The following C22orf42 variants were observed in gnomAD, a reference collection of about 807,000 sequenced individuals.
C22orf42 encodes the protein chromosome 22 open reading frame 42, also known as uncharacterized protein C22orf42.
Under a neutral mutation model 31.4 loss-of-function variants are expected in C22orf42, and 24 were observed. The observed-to-expected ratio is 0.77, with a 90% CI of 0.55 to 1.08. C22orf42 has a LOEUF of 1.08. C22orf42 is among the 50% of genes least tolerant of loss of function. C22orf42 has a pLI of 0.00. For missense variants in C22orf42, 276 were observed against 327.3 expected (o/e 0.84, Z 1.21); for synonymous variants, 96 against 112.7 (o/e 0.85, Z 0.94).
upstream of C22orf42, chr22:32,159,450 T>C: frequency 7.2e-7 from 1 of 1,389,768 alleles, no homozygotes; most frequent in East Asian, 2.8e-5. Flanking sequence ...TCCCTGCTGC[T>C]GCCCACCTTG....
intron 8 of C22orf42, 43 bp downstream of exon 8, chr22:32,149,710 T>C: frequency 8.4e-7 from 1 of 1,189,742 alleles, no homozygotes; most frequent in Non-Finnish European, 1.1e-6. Context: ...TATATCTATA[T>C]CTACATATAT....
At chr22:32,150,030 T>C (rs2094109826) in intron 7 of C22orf42, 3 of 491,350 alleles carry the variant, frequency 6.1e-6, no homozygotes, top group South Asian at 4.1e-5. Context: ...CTGAGAAATA[T>C]GCTCACTACC....
intron 1 of C22orf42, among the ~76,000 whole-genome samples, chr22:32,155,835 C>T (rs996086701): frequency 2.6e-5 from 4 of 152,112 alleles, no homozygotes; most frequent in African/African-American, 7.2e-5. Flanking sequence ...AAGTTTGAGA[C>T]CAGCCTGGGC....
At position 32,155,133 on chromosome 22, in the gene C22orf42, G is replaced by A. The variant is rs1921193623; in HGVS notation, c.233-815C>T. Among the ~76,000 whole-genome samples, 3 of 152,194 alleles carry A rather than the reference G, an allele frequency of 2.0e-5. No individual in the cohort carries two copies. In the East Asian group the frequency reaches 5.8e-4, roughly 29 times the overall value. On this transcript the variant is annotated intron_variant, in intron 1 of 8. Coordinates refer to ENST00000382097, the MANE Select transcript of C22orf42 (RefSeq NM_001010859.3). ...ATGTAGTTGGTTCCCTGGGGACAGAGATCCCAGAACATCTGAGTCCTCTAG... is the reference window on the plus strand; with the variant it reads ...ATGTAGTTGGTTCCCTGGGGACAGAAATCCCAGAACATCTGAGTCCTCTAG...
Position 32,152,623 on chromosome 22 carries a change from G to A in C22orf42, c.311C>T (p.Pro104Leu), listed in dbSNP as rs1349328963. ...HGIWPLENIG[P>L]TEDVQASAHG... ...TGCAGACGCCTGCACATCTTCAGTG[G>A]GACCTAGGAGAACACAGAGTGACAG... Residue 104 changes from proline (P) to leucine (L), a missense_variant, in exon 3 of 9, where the codon CCC becomes CTC. Pro to Leu is a moderately conservative substitution (Grantham distance 98). Coordinates refer to ENST00000382097, the MANE Select transcript of C22orf42 (RefSeq NM_001010859.3). 6.2e-6 allele frequency: 10 copies of A among 1,613,646 alleles called. No individual in the cohort carries two copies. Among genetic ancestry groups the A allele is most frequent in the African/African-American group, 1.3e-5 (1 of 74,886 alleles).
intron 1 of C22orf42, 89 bp downstream of exon 1, chr22:32,158,895 T>G: frequency 7.1e-7 from 1 of 1,416,516 alleles, no homozygotes; most frequent in Non-Finnish European, 9.9e-7. Context: ...AAGCTGAGGA[T>G]GTCTCTGAGG....
rs1430419427 is a variant in C22orf42, at chr22:32,150,536, G to A, written c.494-57C>T. The A allele has an allele frequency of 7.1e-6, 11 of 1,559,160 alleles. No individual in the cohort carries two copies. The East Asian group carries it at 2.2e-4, about 32-fold the overall frequency. On this transcript the variant is annotated intron_variant, in intron 6 of 8. Transcript: ENST00000382097. ...GTGCTGCTGAGGAATCCCACAAGGAGCCTTGGGGGATGTGGACCAGGGCTG... is the reference window on the plus strand; with the variant it reads ...GTGCTGCTGAGGAATCCCACAAGGAACCTTGGGGGATGTGGACCAGGGCTG...
At chr22:32,159,381 C>T, upstream of C22orf42, 1 of 1,432,322 alleles carries the variant, frequency 7.0e-7, no homozygotes, top group Non-Finnish European at 9.1e-7. Context: ...ACAACCAAGT[C>T]AGGCTAGTGG....
At chr22:32,156,279 A>G (rs1300688192) in intron 1 of C22orf42, among the ~76,000 whole-genome samples, 2 of 152,166 alleles carry the variant, frequency 1.3e-5, no homozygotes, top group African/African-American at 4.8e-5. Flanking sequence ...CTCACTTTAT[A>G]CTTCTTAGAA....
intron 1 of C22orf42, among the ~76,000 whole-genome samples, chr22:32,155,222 A>G (rs1921198182): frequency 6.6e-6 from 1 of 152,058 alleles, no homozygotes; most frequent in South Asian, 2.1e-4. Flanking sequence ...TGCTGCCCCA[A>G]TATTTCTTTG....
rs532821404 is a variant in C22orf42 at position 32,151,671 on chromosome 22, T to C, written c.401-120A>G. The C allele has an allele frequency of 8.1e-5, 73 of 899,548 alleles. No individual in the cohort carries two copies. The East Asian group carries it at 1.8e-3, about 22-fold the overall frequency. The allele number at this position is 899,548 out of a possible 1,614,324, so 55.7% of individuals were successfully genotyped here. A position where few individuals can be genotyped will look rare whatever the true frequency, so the allele number is the denominator to read the frequency against. The stretch of plus-strand genomic sequence containing the variant: ...AGGTGGGCGGTTGACAGGCATGGAC[T>C]GAGCTGCTGCTGGACCATTCTCCTT... On this transcript the variant is annotated intron_variant, in intron 4 of 8. Transcript: ENST00000382097.
At chr22:32,158,388 T>C (rs1170584883) in intron 1 of C22orf42, among the ~76,000 whole-genome samples, 1 of 152,228 alleles carries the variant, frequency 6.6e-6, no homozygotes, top group African/African-American at 2.4e-5. Flanking sequence ...ACAAAAGCAA[T>C]TTCTTTACAG....
chr22:32,153,719 T>C (rs1921094724), intron 2 of C22orf42, among the ~76,000 whole-genome samples: 1 of 152,182 alleles, frequency 6.6e-6, no homozygotes. Flanking sequence ...AAATTGTGTT[T>C]CCAAACAAGA....
At chr22:32,149,647 A>C (rs1569332010) in intron 8 of C22orf42, 34 bp from the exon 9 acceptor site, 4 of 1,340,224 alleles carry the variant, frequency 3.0e-6, no homozygotes, top group Non-Finnish European at 2.9e-6. Flanking sequence ...ATCTCAAAAA[A>C]AAAATATATA....
Position 32,151,503 on chromosome 22 carries a change from T to G in C22orf42, c.449A>C (p.Asn150Thr), listed in dbSNP as rs148334352. ...QVSAHGGVEE[N>T]ITSDIEISEA... Reference sequence around the variant, plus strand: ...ACATCTTACAATATCTGACGTTATATTCTCCTCCACACCGCCGTGTGCAGA... The same window carrying G: ...ACATCTTACAATATCTGACGTTATAGTCTCCTCCACACCGCCGTGTGCAGA... The change falls in exon 5 of 9, where the codon AAT (asparagine) becomes ACT (threonine). Residue 150 changes from asparagine (N) to threonine (T), a missense_variant. Transcript: ENST00000382097. The G allele has an allele frequency of 3.1e-6, 5 of 1,613,698 alleles. No homozygotes were observed. The African/African-American group carries it at 6.7e-5, about 22-fold the overall frequency.
At position 32,153,474 on chromosome 22, in the gene C22orf42, GCTAA is replaced by G. The variant is rs544938329; in HGVS notation, c.307+766_307+769del. The stretch of plus-strand genomic sequence containing the variant: ...CAATTGGATACAGTAGATGAAATGA[GCTAA>G]CTGTTAAAATCTATTTTAGAAGACC... On this transcript the variant is annotated intron_variant, in intron 2 of 8. Transcript: ENST00000382097. Among the ~76,000 whole-genome samples the G allele has an allele frequency of 1.6e-3, 237 of 152,284 alleles. 1 individual carries two copies. The highest frequency in any genetic ancestry group is 0.014 in the Middle Eastern group (4 of 294).
At chr22:32,154,414 A>G (rs1287942093) in intron 1 of C22orf42, 96 bp from the exon 2 acceptor site, 1 of 1,244,812 alleles carries the variant, frequency 8.0e-7, no homozygotes, top group African/African-American at 1.5e-5. Context: ...CAGAGAAATT[A>G]GTAAAAACTT....
In C22orf42 at chr22:32,158,148, T is replaced by G. The variant is rs188255149; in HGVS notation, c.232+836A>C. On this transcript the variant is annotated intron_variant, in intron 1 of 8. Coordinates refer to ENST00000382097, the MANE Select transcript of C22orf42 (RefSeq NM_001010859.3). ...AAATGCTTCTCTCCTGTCTTACAAGTGTTAGTTTTTGTCTTCAACTTGACC... is the reference window on the plus strand; with the variant it reads ...AAATGCTTCTCTCCTGTCTTACAAGGGTTAGTTTTTGTCTTCAACTTGACC... Among the ~76,000 whole-genome samples the G allele has an allele frequency of 1.9e-4, 29 of 152,272 alleles. No individual in the cohort carries two copies. In the East Asian group the frequency reaches 5.4e-3, roughly 28 times the overall value.
chr22:32,149,512 G>T lies in C22orf42; in HGVS notation c.*28C>A, dbSNP rs1603174622. ...TGATTTGAGCTGGGCGTGATGGCAG[G>T]CGTCTGTAATCCCAGCTACTTGGAA... On this transcript the variant is annotated 3_prime_UTR_variant, in exon 9 of 9. Coordinates refer to ENST00000382097, the MANE Select transcript of C22orf42 (RefSeq NM_001010859.3). 2 of 1,512,584 alleles carry T rather than the reference G, an allele frequency of 1.3e-6. No individual in the cohort carries two copies. The highest frequency in any genetic ancestry group is 1.8e-6 in the Non-Finnish European group (2 of 1,123,026). The allele number at this position is 1,512,584 out of a possible 1,614,324, so 93.7% of individuals were successfully genotyped here.
Sources: allele counts gnomAD v4.1 joint callset (sites outside exome capture counted in the v4.1 genomes callset), GRCh38; gene constraint gnomAD v4.1.1; transcripts MANE v1.5; gene names NCBI Gene and HGNC (gene_info 2026-07-23, HGNC 2026-07-21).